Variants in CROCC2 observed in about 807,000 individuals in gnomAD.
The protein encoded by CROCC2 is ciliary rootlet coiled-coil protein 2.
In CROCC2, 163 loss-of-function variants were observed where a neutral mutation model predicts 177.6. That is an observed-to-expected ratio of 0.92 (90% CI 0.81 to 1.05). The LOEUF (loss-of-function observed/expected upper bound fraction) is 1.05, where lower values mean the gene tolerates loss of function less well. Among genes scored for constraint, CROCC2 ranks in the 50% least tolerant of loss-of-function variants. The pLI, the probability that CROCC2 is intolerant of heterozygous loss-of-function variation, is 0.00. For missense variants in CROCC2, 1,929 were observed against 1,797.8 expected (o/e 1.07, Z -1.32); for synonymous variants, 904 against 787.3 (o/e 1.15, Z -2.48).
intron 14 of CROCC2, among the ~76,000 whole-genome samples, chr2:240,937,353 T>C (rs1174787826): frequency 5.9e-5 from 9 of 152,210 alleles, no homozygotes; most frequent in Non-Finnish European, 1.2e-4. Context: ...CTTTTTCCTA[T>C]TTTTTAAACT....
chr2:240,983,573 G>C, intron 28 of CROCC2: 5 of 1,280,042 alleles, frequency 3.9e-6, no homozygotes, highest in Non-Finnish European at 5.1e-6. Context: ...CGCTCAGCTC[G>C]CACAGGTAGG....
chr2:240,919,940 G>A, intron 2 of CROCC2, 43 bp from the exon 3 acceptor site: 1 of 711,814 alleles, frequency 1.4e-6, no homozygotes, highest in Non-Finnish European at 2.6e-6. Context: ...GAGTGTGGGT[G>A]GGCCCTGGTC....
At chr2:240,922,020 G>C (rs148027333) in intron 3 of CROCC2, among the ~76,000 whole-genome samples, 8 of 152,190 alleles carry the variant, frequency 5.3e-5, no homozygotes, top group East Asian at 3.9e-4. Context: ...AGGAGGCCCA[G>C]ATGGAGAGGA....
At position 240,933,180 on chromosome 2, in the gene CROCC2, A is replaced by G. The variant is rs4441463; in HGVS notation, c.1301A>G (p.Gln434Arg). 1,010,687 of 1,549,994 alleles carry G rather than the reference A, an allele frequency of 0.65. 331,763 individuals are homozygous for G. Among genetic ancestry groups the G allele is most frequent in the African/African-American group, 0.79 (58,061 of 73,132 alleles). ...KSSQALVASL[Q>R]EQLSESRREL... is the part of the protein sequence containing the mutation. Reference sequence around the variant, plus strand: ...TCCCAGGCACTGGTGGCCAGTCTCCAGGAGCAGCTGTCCGAAAGCCGGCGG... The same window carrying G: ...TCCCAGGCACTGGTGGCCAGTCTCCGGGAGCAGCTGTCCGAAAGCCGGCGG... The change falls in exon 10 of 32, where the codon CAG becomes CGG. Residue 434 changes from glutamine to arginine, a missense_variant. Gln to Arg is a conservative substitution (Grantham distance 43). Around this residue, in one of 3 missense-constraint regions of CROCC2, gnomAD observed 1,397 missense variants for 1,239.9 expected, o/e 1.13. Transcript: ENST00000690015.
intron 30 of CROCC2, among the ~76,000 whole-genome samples, chr2:240,990,319 G>A (rs1354384659): frequency 2.0e-5 from 3 of 152,212 alleles, no homozygotes; most frequent in Non-Finnish European, 4.4e-5. Flanking sequence ...AGCCTTGGGC[G>A]TGTGTGTGCA....
intron 14 of CROCC2, 124 bp from the exon 15 acceptor site, chr2:240,945,936 C>T (rs2059520892): frequency 4.2e-6 from 3 of 721,320 alleles, no homozygotes; most frequent in African/African-American, 1.8e-5. Context: ...CTTCCACTTT[C>T]ACCTCCATGC....
chr2:240,964,624 A>C lies in CROCC2; in HGVS notation c.3464A>C (p.Gln1155Pro). Residue 1155 changes from glutamine to proline, a missense_variant and splice_region_variant, in exon 22 of 32, where the codon CAG becomes CCG. By Grantham distance (76) the Gln-to-Pro change is moderately conservative (BLOSUM62 -1). Transcript: ENST00000690015. ...CAGGAGCTCCGGGAACTCCACAGACAGGTAGGGCGGCAGGGAGGGGTCAAC... is the reference window on the plus strand; with the variant it reads ...CAGGAGCTCCGGGAACTCCACAGACCGGTAGGGCGGCAGGGAGGGGTCAAC... ...ARQELRELHRQVRTLKAENQR... is the reference protein window; with the variant it reads ...ARQELRELHRPVRTLKAENQR... The C allele has an allele frequency of 6.5e-7, 1 of 1,548,400 alleles. No individual in the cohort carries two copies. Among genetic ancestry groups the C allele is most frequent in the Non-Finnish European group, 8.7e-7 (1 of 1,146,008 alleles).
chr2:240,971,069 A>G (rs1336301155), intron 27 of CROCC2, among the ~76,000 whole-genome samples: 1 of 151,886 alleles, frequency 6.6e-6, no homozygotes, highest in Admixed American at 6.6e-5. Context: ...AGGGCTCCCC[A>G]CTCCTAGCCA....
intron 19 of CROCC2, among the ~76,000 whole-genome samples, chr2:240,957,023 G>A (rs948896838): frequency 6.6e-6 from 1 of 152,064 alleles, no homozygotes; most frequent in African/African-American, 2.4e-5. Context: ...TTGAGGTCGG[G>A]GCTGCTGTCC....
intron 1 of CROCC2, among the ~76,000 whole-genome samples, chr2:240,913,482 CT>C (rs755287824): frequency 1.3e-5 from 2 of 152,234 alleles, no homozygotes; most frequent in South Asian, 2.1e-4. Flanking sequence ...AGCTCTCAGT[CT>C]TCTGAGCAGG....
intron 3 of CROCC2, among the ~76,000 whole-genome samples, chr2:240,921,363 A>T (rs1010923712): frequency 6.6e-6 from 1 of 152,026 alleles, no homozygotes; most frequent in African/African-American, 2.4e-5. Flanking sequence ...GGTCCACCCC[A>T]CCTGATGGGG....
chr2:240,991,715 A>G (rs981047549), intron 31 of CROCC2, among the ~76,000 whole-genome samples: 3 of 151,948 alleles, frequency 2.0e-5, no homozygotes, highest in Non-Finnish European at 4.4e-5. Context: ...CCCGCCTGGC[A>G]CTCCGTTTCT....
At chr2:240,975,453 G>A (rs1186188201) in intron 27 of CROCC2, among the ~76,000 whole-genome samples, 5 of 152,226 alleles carry the variant, frequency 3.3e-5, no homozygotes, top group Admixed American at 2.6e-4. Context: ...CTGCCAGTGG[G>A]CAATCAAATT....
At chr2:240,983,086 A>G in intron 28 of CROCC2, 57 bp downstream of exon 28, 1 of 1,494,742 alleles carries the variant, frequency 6.7e-7, no homozygotes, top group African/African-American at 1.4e-5. Flanking sequence ...GAACAGGCCT[A>G]CAGGGAAGAG....
chr2:240,941,232 C>T (rs933441965), intron 14 of CROCC2, among the ~76,000 whole-genome samples: 6 of 152,134 alleles, frequency 3.9e-5, no homozygotes, highest in Non-Finnish European at 5.9e-5. Context: ...CGAGTAGAAT[C>T]AATATTGTGG....
At chr2:240,974,327 C>G (rs896124763) in intron 27 of CROCC2, among the ~76,000 whole-genome samples, 1 of 147,492 alleles carries the variant, frequency 6.8e-6, no homozygotes, top group Admixed American at 6.8e-5. Flanking sequence ...TAGGAACACT[C>G]TATTTTTATT....
chr2:240,975,980 C>G (rs1320125830), intron 27 of CROCC2, among the ~76,000 whole-genome samples: 3 of 152,172 alleles, frequency 2.0e-5, no homozygotes. Flanking sequence ...ATCTGCCCAT[C>G]TCAGCCTCCC....
chr2:240,915,856 TA>T (rs1410636441), intron 1 of CROCC2, among the ~76,000 whole-genome samples: 1 of 152,076 alleles, frequency 6.6e-6, no homozygotes, highest in Non-Finnish European at 1.5e-5. Flanking sequence ...GAGGAAGAGA[TA>T]GGGGCCGGGC....
At position 240,949,524 on chromosome 2, in the gene CROCC2, A is replaced by AC. The variant is rs1205954143; in HGVS notation, c.2483-5dup. ...CAGGCCCTGGTGCATCTCACCCATCACCCCACAGTGGAAATGGAGCAGCTA... is the reference window on the plus strand; with the variant it reads ...CAGGCCCTGGTGCATCTCACCCATCACCCCCACAGTGGAAATGGAGCAGCTA... On this transcript the variant is annotated splice_polypyrimidine_tract_variant and intron_variant, in intron 16 of 31. Transcript: ENST00000690015. This position sits in a 1 kb window ranked among gnomAD's most constrained non-coding sequence, Gnocchi z 4.5. 3 of 1,549,094 alleles carry AC rather than the reference A, an allele frequency of 1.9e-6. No homozygotes were observed.
Sources: gnomAD v4.1 joint callset for allele counts (sites outside exome capture counted in the v4.1 genomes callset) on GRCh38, gnomAD v4.1.1 for gene constraint, gnomAD v4.1.1 regional missense constraint, Gnocchi (gnomAD v3.1) non-coding constraint, MANE v1.5 for transcripts, NCBI Gene and HGNC (gene_info 2026-07-23, HGNC 2026-07-21) for gene names.